FOCAD: variants seen among roughly 807,000 people sequenced by gnomAD.
FOCAD encodes focadhesin, also known as KIAA1797.
In FOCAD, 198 loss-of-function variants were observed where a neutral mutation model predicts 225.6. That is an observed-to-expected ratio of 0.88 (90% CI 0.78 to 0.99). FOCAD has a LOEUF of 0.99. Ranked by LOEUF, FOCAD falls within the 50% of genes least tolerant of loss-of-function variation. The pLI is 0.00. For synonymous variants in FOCAD, 897 were observed against 755.0 expected (o/e 1.19, Z -3.08); for missense variants, 2,713 against 2,123.6 (o/e 1.28, Z -5.46).
chr9:20,823,678 C>T (rs1395518116), intron 15 of FOCAD, among the ~76,000 whole-genome samples: 6 of 152,040 alleles, frequency 3.9e-5, no homozygotes, highest in Non-Finnish European at 7.4e-5. Flanking sequence ...GTGGTAATTG[C>T]ACCAAAGATC....
chr9:20,849,973 A>G (rs1827490187), intron 15 of FOCAD, among the ~76,000 whole-genome samples: 1 of 151,880 alleles, frequency 6.6e-6, no homozygotes, highest in African/African-American at 2.4e-5. Context: ...TCAAGGAACC[A>G]TCTTGCTCTT....
At position 20,809,639 on chromosome 9, in the gene FOCAD, A is replaced by G. The variant is rs75213214; in HGVS notation, c.1456-10157A>G. ...TGTTCTTTTGTCTTACTTTTTGTCT[A>G]TAGAAACGATTTTTATACTTTTAAT... On this transcript the variant is annotated intron_variant, in intron 11 of 43. Transcript: ENST00000338382. Among the ~76,000 whole-genome samples, 112 of 152,222 alleles carry G rather than the reference A, an allele frequency of 7.4e-4. 1 individual carries two copies. The East Asian group carries it at 0.017, about 24-fold the overall frequency.
intron 9 of FOCAD, 42 bp from the exon 10 acceptor site, chr9:20,781,685 G>C: frequency 3.2e-6 from 5 of 1,572,252 alleles, no homozygotes; most frequent in Non-Finnish European, 4.4e-6. Flanking sequence ...TTTGACTGTG[G>C]TATTAATTTT....
At chr9:20,754,025 G>T (rs1828813225) in intron 5 of FOCAD, among the ~76,000 whole-genome samples, 1 of 152,080 alleles carries the variant, frequency 6.6e-6, no homozygotes, top group Non-Finnish European at 1.5e-5. Context: ...GGCGTTCTTT[G>T]TACCACATTC....
chr9:20,978,211 C>G, intron 36 of FOCAD, 128 bp from the exon 37 acceptor site: 1 of 560,282 alleles, frequency 1.8e-6, no homozygotes, highest in Non-Finnish European at 3.2e-6. Flanking sequence ...AATATCTCTT[C>G]TGGTTTACTG....
chr9:20,723,144 C>T (rs58458390), intron 4 of FOCAD, among the ~76,000 whole-genome samples: 4,206 of 152,274 alleles, frequency 0.028, 223 homozygotes, highest in African/African-American at 0.094. Flanking sequence ...ATCCTGTCAT[C>T]TCTGCATATT....
At chr9:20,749,873 T>C (rs951798074) in intron 5 of FOCAD, among the ~76,000 whole-genome samples, 3 of 152,188 alleles carry the variant, frequency 2.0e-5, no homozygotes, top group Non-Finnish European at 4.4e-5. Flanking sequence ...CTCATTTCTA[T>C]TAGGATTGAT....
rs398040357 is a variant in FOCAD, at chr9:20,922,348, G to GC, written c.2853-1312_2853-1311insC. On this transcript the variant is annotated intron_variant, in intron 24 of 43. Coordinates refer to ENST00000338382, the MANE Select transcript of FOCAD (RefSeq NM_001375567.1). ...TAGAGGAATACATTGAGGTGGGGGG[G>GC]TGGTGGTGAACAAAATGATCAAGGC... Among the ~76,000 whole-genome samples the GC allele has an allele frequency of 1.4e-3, 207 of 151,692 alleles. No homozygotes were observed. The Middle Eastern group carries it at 0.017, about 13-fold the overall frequency.
chr9:20,943,597 G>A (rs1002797422), intron 28 of FOCAD, among the ~76,000 whole-genome samples: 5 of 152,080 alleles, frequency 3.3e-5, no homozygotes, highest in Admixed American at 6.5e-5. Context: ...TAAGTAACAT[G>A]TTCATAAAAT....
chr9:20,860,867 C>G (rs1020746525), intron 15 of FOCAD, among the ~76,000 whole-genome samples: 1 of 152,216 alleles, frequency 6.6e-6, no homozygotes, highest in Admixed American at 6.5e-5. Context: ...AACTTGAAAT[C>G]TCTAAAGCCT....
chr9:20,969,047 CT>C (rs1448457078), intron 35 of FOCAD, among the ~76,000 whole-genome samples: 1 of 151,970 alleles, frequency 6.6e-6, no homozygotes, highest in Non-Finnish European at 1.5e-5. Flanking sequence ...TTAAGAATAT[CT>C]TTTTTACTTT....
chr9:20,915,000 A>G (rs1243957843), intron 23 of FOCAD, among the ~76,000 whole-genome samples: 1 of 152,224 alleles, frequency 6.6e-6, no homozygotes, highest in Non-Finnish European at 1.5e-5. Context: ...GGATCAATCA[A>G]AGATACTCCA....
At chr9:20,672,384 C>T in intron 2 of FOCAD, among the ~76,000 whole-genome samples, 1 of 152,108 alleles carries the variant, frequency 6.6e-6, no homozygotes, top group Admixed American at 6.5e-5. Flanking sequence ...GCCCTATGGC[C>T]TTTCTGCAAC....
intron 22 of FOCAD, among the ~76,000 whole-genome samples, chr9:20,908,498 G>A (rs1318534467): frequency 1.3e-5 from 2 of 152,088 alleles, no homozygotes; most frequent in Non-Finnish European, 2.9e-5. Context: ...CAAGCTGCCA[G>A]GTGATTTAAA....
intron 34 of FOCAD, chr9:20,952,484 A>G (rs1837773241): frequency 6.5e-6 from 1 of 153,690 alleles, no homozygotes; most frequent in South Asian, 2.0e-4. Context: ...GGTTATTTGC[A>G]CATGTTGGTC....
intron 23 of FOCAD, among the ~76,000 whole-genome samples, chr9:20,914,914 T>C (rs972944132): frequency 2.0e-5 from 3 of 152,232 alleles, no homozygotes. Context: ...AAAAGTAAAT[T>C]GATTTTGAAT....
chr9:20,905,433 G>T (rs1474270635), intron 21 of FOCAD, among the ~76,000 whole-genome samples: 1 of 151,748 alleles, frequency 6.6e-6, no homozygotes, highest in African/African-American at 2.4e-5. Context: ...CTTGCAAATT[G>T]CTCTTTTTGC....
intron 4 of FOCAD, among the ~76,000 whole-genome samples, chr9:20,738,819 C>T (rs773053681): frequency 5.3e-5 from 8 of 152,074 alleles, no homozygotes; most frequent in South Asian, 2.1e-4. Flanking sequence ...ATTAAAAAAC[C>T]AGAAATAGAT....
rs142051827 is a variant in FOCAD at position 20,962,417 on chromosome 9, C to CACACACAT, written c.4132+9355_4132+9356insCACATACA. Among the ~76,000 whole-genome samples, 224 of 149,194 alleles carry CACACACAT rather than the reference C, an allele frequency of 1.5e-3. 1 individual carries two copies. The highest frequency in any genetic ancestry group is 5.4e-3 in the African/African-American group (217 of 40,318). On this transcript the variant is annotated intron_variant, in intron 35 of 43. Transcript: ENST00000338382. ...CATATATAATATATATATACACACA[C>CACACACAT]ACATACATACATACATACATACATA...
Sources: gnomAD v4.1 joint callset for allele counts (sites outside exome capture counted in the v4.1 genomes callset) on GRCh38, gnomAD v4.1.1 for gene constraint, MANE v1.5 for transcripts, NCBI Gene and HGNC (gene_info 2026-07-23, HGNC 2026-07-21) for gene names.